CNTNAP2: variants seen among roughly 807,000 people sequenced by gnomAD.
CNTNAP2 encodes the protein contactin associated protein 2, also known as contactin-associated protein-like 2.
Under a neutral mutation model 155.2 loss-of-function variants are expected in CNTNAP2, and 98 were observed. The observed-to-expected ratio is 0.63, with a 90% CI of 0.54 to 0.75. The LOEUF (loss-of-function observed/expected upper bound fraction) is 0.75. Among genes scored for constraint, CNTNAP2 ranks in the 30% least tolerant of loss-of-function variants. The pLI, the probability that CNTNAP2 is intolerant of heterozygous loss-of-function variation, is 0.00. For synonymous variants in CNTNAP2, 651 were observed against 631.2 expected, an observed-to-expected ratio of 1.03 and a Z score of -0.47; for missense variants, 1,727 against 1,688.1, an observed-to-expected ratio of 1.02 and a Z score of -0.40.
chr7:148,168,708 A>G (rs868314685), intron 17 of CNTNAP2, among the ~76,000 whole-genome samples: 7 of 152,322 alleles, frequency 4.6e-5, no homozygotes, highest in Middle Eastern at 3.4e-3. Flanking sequence ...AACTTAAAGT[A>G]TAATTTAAAA....
intron 1 of CNTNAP2, among the ~76,000 whole-genome samples, chr7:146,363,913 C>G (rs1485876275): frequency 6.6e-6 from 1 of 152,062 alleles, no homozygotes; most frequent in African/African-American, 2.4e-5. Flanking sequence ...CTATGTAGAC[C>G]TTCTTGAAGG....
chr7:147,456,089 G>GT (rs1327272833), intron 10 of CNTNAP2, among the ~76,000 whole-genome samples: 2 of 152,096 alleles, frequency 1.3e-5, no homozygotes, highest in Non-Finnish European at 2.9e-5. Flanking sequence ...TGTATATATA[G>GT]TTTTGTTTAT....
At chr7:147,354,521 C>G (rs1251098323) in intron 9 of CNTNAP2, among the ~76,000 whole-genome samples, 1 of 152,096 alleles carries the variant, frequency 6.6e-6, no homozygotes, top group African/African-American at 2.4e-5. Context: ...CAGTACCATG[C>G]TGTTTTGATT....
At chr7:147,154,671 A>G (rs1801889337) in intron 8 of CNTNAP2, among the ~76,000 whole-genome samples, 2 of 152,182 alleles carry the variant, frequency 1.3e-5, no homozygotes, top group Admixed American at 1.3e-4. Flanking sequence ...TGCACATAGC[A>G]CACCAAAATG....
chr7:146,128,060 C>T (rs1373238478), intron 1 of CNTNAP2, among the ~76,000 whole-genome samples: 1 of 152,120 alleles, frequency 6.6e-6, no homozygotes, highest in Non-Finnish European at 1.5e-5. Flanking sequence ...GCCAGTCTAG[C>T]GAAGCCTGTT....
chr7:147,919,006 C>A (rs1297096002), intron 14 of CNTNAP2, among the ~76,000 whole-genome samples: 1 of 152,074 alleles, frequency 6.6e-6, no homozygotes, highest in Non-Finnish European at 1.5e-5. Context: ...CACATGACTT[C>A]TTAAAAGTGA....
chr7:146,476,493 G>T (rs1000052478), intron 1 of CNTNAP2, among the ~76,000 whole-genome samples: 4 of 152,000 alleles, frequency 2.6e-5, no homozygotes, highest in Non-Finnish European at 5.9e-5. Context: ...TTTTTTGTGT[G>T]ACTGTAATTA....
intron 15 of CNTNAP2, among the ~76,000 whole-genome samples, chr7:148,087,609 T>C (rs1040036122): frequency 6.6e-6 from 1 of 152,116 alleles, no homozygotes; most frequent in African/African-American, 2.4e-5. Context: ...TTTTAGTGTT[T>C]TAGTACAGTC....
At chr7:146,404,412 G>C (rs1795761443) in intron 1 of CNTNAP2, among the ~76,000 whole-genome samples, 1 of 152,124 alleles carries the variant, frequency 6.6e-6, no homozygotes, top group Admixed American at 6.5e-5. Context: ...CGTTTTAGCA[G>C]GTGCAGCATC....
At chr7:146,349,074 C>A (rs1330678222) in intron 1 of CNTNAP2, among the ~76,000 whole-genome samples, 3 of 152,104 alleles carry the variant, frequency 2.0e-5, no homozygotes, top group Non-Finnish European at 2.9e-5. Context: ...AAGGCCTGGG[C>A]CCTTGGTTAA....
At chr7:147,030,611 A>G (rs904622339) in intron 3 of CNTNAP2, among the ~76,000 whole-genome samples, 4 of 152,030 alleles carry the variant, frequency 2.6e-5, no homozygotes, top group African/African-American at 9.7e-5. Flanking sequence ...CTCCCTTTAT[A>G]CTTTTATATC....
intron 15 of CNTNAP2, among the ~76,000 whole-genome samples, chr7:148,082,805 A>G (rs199934078): frequency 6.6e-6 from 1 of 152,070 alleles, no homozygotes; most frequent in Non-Finnish European, 1.5e-5. Context: ...CAGCCTCCCA[A>G]ATAGCTGGGA....
At chr7:147,932,712 T>C (rs1181403008) in intron 14 of CNTNAP2, among the ~76,000 whole-genome samples, 1 of 152,094 alleles carries the variant, frequency 6.6e-6, no homozygotes, top group Non-Finnish European at 1.5e-5. Flanking sequence ...GAGCAAGAGG[T>C]ATACTATGTC....
intron 13 of CNTNAP2, among the ~76,000 whole-genome samples, chr7:147,877,082 T>C (rs2710108): frequency 0.57 from 86,555 of 151,620 alleles, 25,266 homozygotes; most frequent in African/African-American, 0.69. Flanking sequence ...GATGAGGGAG[T>C]TTTTCGGTTA....
At chr7:147,980,791 C>T (rs1201434664) in intron 15 of CNTNAP2, among the ~76,000 whole-genome samples, 3 of 139,660 alleles carry the variant, frequency 2.1e-5, no homozygotes, top group Admixed American at 1.4e-4. Context: ...ATTAGCCGGG[C>T]GTGGTGGCGG....
At chr7:146,742,900 T>C (rs1801744007) in intron 1 of CNTNAP2, among the ~76,000 whole-genome samples, 1 of 152,210 alleles carries the variant, frequency 6.6e-6, no homozygotes, top group Admixed American at 6.5e-5. Context: ...ATTTCTCATA[T>C]TCTCATAGAT....
intron 12 of CNTNAP2, among the ~76,000 whole-genome samples, chr7:147,581,400 G>C (rs1439418966): frequency 6.6e-6 from 1 of 152,208 alleles, no homozygotes; most frequent in Non-Finnish European, 1.5e-5. Context: ...AAACATTCAT[G>C]ATTATGGATA....
chr7:147,949,344 G>A (rs1563145231), intron 14 of CNTNAP2, among the ~76,000 whole-genome samples: 1 of 151,578 alleles, frequency 6.6e-6, no homozygotes, highest in Non-Finnish European at 1.5e-5. Flanking sequence ...AGACGAGGTT[G>A]GTCTTGCTGT....
chr7:146,615,676 C>T (rs982439899), intron 1 of CNTNAP2, among the ~76,000 whole-genome samples: 2 of 152,192 alleles, frequency 1.3e-5, no homozygotes, highest in African/African-American at 2.4e-5. Context: ...AATGGAAATG[C>T]ATGCATTCAT....
Sources: gnomAD v4.1 joint callset for allele counts (sites outside exome capture counted in the v4.1 genomes callset) on GRCh38, gnomAD v4.1.1 for gene constraint, MANE v1.5 for transcripts, NCBI Gene and HGNC (gene_info 2026-07-23, HGNC 2026-07-21) for gene names.